Variants in NPAP1 observed in about 807,000 individuals in gnomAD.
The protein encoded by NPAP1 is nuclear pore associated protein 1.
For synonymous variants in NPAP1, 616 were observed against 581.4 expected, an observed-to-expected ratio of 1.06 and a Z score of -0.86; for missense variants, 1,483 against 1,454.5, an observed-to-expected ratio of 1.02 and a Z score of -0.32.
Position 24,676,272 on chromosome 15 carries a change from C to G in NPAP1, c.405C>G (p.Val135=). 1.3e-6 allele frequency: 2 copies of G among 1,519,432 alleles called. No individual in the cohort carries two copies. Among genetic ancestry groups the G allele is most frequent in the Non-Finnish European group, 1.8e-6 (2 of 1,135,736 alleles). 94.1% of individuals were successfully genotyped at this position (1,519,432 alleles called of 1,614,324 possible). ...TGCCTTCACCACGTGAGCCGGCGGTCAAGGCCAGGAAGCCCATCCCAGCCA... is the reference window on the plus strand; with the variant it reads ...TGCCTTCACCACGTGAGCCGGCGGTGAAGGCCAGGAAGCCCATCCCAGCCA... ...LLLPSPREPA[V]KARKPIPATL... The change falls in exon 1 of 1, where the codon GTC becomes GTG. Residue 135 remains valine (V), a synonymous_variant. Coordinates refer to ENST00000329468, the MANE Select transcript of NPAP1 (RefSeq NM_018958.3).
Position 24,677,554 on chromosome 15 carries a change from G to T in NPAP1, c.1687G>T (p.Ala563Ser), listed in dbSNP as rs764952868. 2 of 1,614,030 alleles carry T rather than the reference G, an allele frequency of 1.2e-6. No homozygotes were observed. Among genetic ancestry groups the T allele is most frequent in the Non-Finnish European group, 1.7e-6 (2 of 1,180,010 alleles). ...TTCCACTGTCACAACAAACGCATCT[G>T]CCCACCTAACCTCACAGACTGCGGT... ...VISTVTTNASAHLTSQTAVDP... is the reference protein window; with the variant it reads ...VISTVTTNASSHLTSQTAVDP... The change falls in exon 1 of 1, where the codon GCC (alanine) becomes TCC (serine). Residue 563 changes from alanine (A) to serine (S), a missense_variant. Ala to Ser is a moderately conservative substitution (Grantham distance 99). Coordinates refer to ENST00000329468, the MANE Select transcript of NPAP1 (RefSeq NM_018958.3).
In NPAP1 at chr15:24,676,363, C is replaced by A. The variant is rs569950473; in HGVS notation, c.496C>A (p.Pro166Thr). 284 of 1,553,630 alleles carry A rather than the reference C, an allele frequency of 1.8e-4. 1 individual carries two copies. The South Asian group carries it at 3.2e-3, about 17-fold the overall frequency. Residue 166 changes from proline (P) to threonine (T), a missense_variant, in exon 1 of 1, where the codon CCG (proline) becomes ACG (threonine). Transcript: ENST00000329468. ...GPRRVKKDED[P>T]VQIEGEDDEK... The stretch of plus-strand genomic sequence containing the variant: ...CAGAAGAGTGAAGAAGGATGAGGAT[C>A]CGGTGCAGATCGAAGGGGAGGATGA...
rs746602411 is a variant in NPAP1 at position 24,677,928 on chromosome 15, A to C, written c.2061A>C (p.Thr687=). ...DTSTLVNSAS[T]ASSSKPPIET... ...CCACTTTAGTGAACAGTGCCTCTAC[A>C]GCATCATCATCCAAACCTCCCATTG... The change falls in exon 1 of 1, where the codon ACA becomes ACC. Residue 687 remains threonine (T), a synonymous_variant. Coordinates refer to ENST00000329468, the MANE Select transcript of NPAP1 (RefSeq NM_018958.3). The C allele has an allele frequency of 6.2e-7, 1 of 1,613,456 alleles. No individual in the cohort carries two copies. Among genetic ancestry groups the C allele is most frequent in the Non-Finnish European group, 8.5e-7 (1 of 1,179,916 alleles).
rs2049024622 is a variant in NPAP1, at chr15:24,682,622, A to T, written c.*3284A>T. 6.0e-6 allele frequency: 1 copy of T among 167,014 alleles called. No individual in the cohort carries two copies. The highest frequency in any genetic ancestry group is 2.4e-5 in the African/African-American group (1 of 41,436). The allele number at this position is 167,014 out of a possible 1,614,324, so 10.3% of individuals were successfully genotyped here. A position where few individuals can be genotyped will look rare whatever the true frequency, so the allele number is the denominator to read the frequency against. ...CCAGAGATAGTGTTTAGCTACTTTG[A>T]TGTCACTCCCATAGTTCTGAGTTTG... On this transcript the variant is annotated 3_prime_UTR_variant, in exon 1 of 1. Coordinates refer to ENST00000329468, the MANE Select transcript of NPAP1 (RefSeq NM_018958.3).
In NPAP1 at chr15:24,677,815, G is replaced by A. The variant is rs781369630; in HGVS notation, c.1948G>A (p.Glu650Lys). Residue 650 changes from glutamate (E) to lysine (K), a missense_variant, in exon 1 of 1, where the codon GAG (glutamate) becomes AAG (lysine). By Grantham distance (56) the Glu-to-Lys change is moderately conservative. Coordinates refer to ENST00000329468, the MANE Select transcript of NPAP1 (RefSeq NM_018958.3). ...GKEATPQPKF[E>K]APDGQPQKAS... is the part of the protein sequence containing the mutation. The stretch of plus-strand genomic sequence containing the variant: ...AGAAGCCACCCCTCAGCCCAAATTT[G>A]AGGCTCCTGATGGGCAGCCGCAGAA... 9.9e-6 allele frequency: 16 copies of A among 1,613,994 alleles called. No homozygotes were observed. The highest frequency in any genetic ancestry group is 5.9e-6 in the Non-Finnish European group (7 of 1,180,012).
rs1221422633 is a variant in NPAP1 at position 24,678,018 on chromosome 15, C to T, written c.2151C>T (p.Ser717=). 6.2e-7 allele frequency: 1 copy of T among 1,613,994 alleles called. No homozygotes were observed. Among genetic ancestry groups the T allele is most frequent in the Admixed American group, 1.7e-5 (1 of 60,000 alleles). Reference sequence around the variant, plus strand: ...TCATCTTGCAGTCTGCCTCTGTCTCCAAGAAGTACCTCCCATTTTACCTGG... The same window carrying T: ...TCATCTTGCAGTCTGCCTCTGTCTCTAAGAAGTACCTCCCATTTTACCTGG... ...KAVILQSASV[S]KKYLPFYLGL... Residue 717 remains serine, a synonymous_variant, in exon 1 of 1, where the codon TCC becomes TCT. Coordinates refer to ENST00000329468, the MANE Select transcript of NPAP1 (RefSeq NM_018958.3).
chr15:24,679,018 G>T lies in NPAP1; in HGVS notation c.3151G>T (p.Val1051Phe), dbSNP rs769147230. Residue 1051 changes from valine (V) to phenylalanine (F), a missense_variant, in exon 1 of 1, where the codon GTT becomes TTT. Val to Phe is a conservative substitution (Grantham distance 50, BLOSUM62 -1). Coordinates refer to ENST00000329468, the MANE Select transcript of NPAP1 (RefSeq NM_018958.3). ...GAGTGGGACACCCAGCACCACTTCT[G>T]TTTTCCCATTTGGTCAGGCAGCCTG... is the stretch of plus-strand genomic sequence containing the variant. ...GQSGTPSTTSVFPFGQAAWDP... is the reference protein window; with the variant it reads ...GQSGTPSTTSFFPFGQAAWDP... The T allele has an allele frequency of 4.3e-6, 7 of 1,614,160 alleles. No individual in the cohort carries two copies. Among genetic ancestry groups the T allele is most frequent in the Non-Finnish European group, 5.9e-6 (7 of 1,180,040 alleles).
At position 24,675,837 on chromosome 15, in the gene NPAP1, G is replaced by A; in HGVS notation, c.-31G>A. The A allele has an allele frequency of 6.9e-7, 1 of 1,443,812 alleles. No homozygotes were observed. The highest frequency in any genetic ancestry group is 9.2e-7 in the Non-Finnish European group (1 of 1,088,204). 89.4% of individuals were successfully genotyped at this position (1,443,812 alleles called of 1,614,324 possible). On this transcript the variant is annotated 5_prime_UTR_variant, in exon 1 of 1. Coordinates refer to ENST00000329468, the MANE Select transcript of NPAP1 (RefSeq NM_018958.3). ...GAGAGTTGAGTCCACTGCTGACCCTGTTTTACGGTAGGAGGCACGGCTAGC... is the reference window on the plus strand; with the variant it reads ...GAGAGTTGAGTCCACTGCTGACCCTATTTTACGGTAGGAGGCACGGCTAGC...
rs781003390 is a variant in NPAP1 at position 24,678,763 on chromosome 15, G to A, written c.2896G>A (p.Gly966Ser). 2 of 1,614,172 alleles carry A rather than the reference G, an allele frequency of 1.2e-6. No homozygotes were observed. The highest frequency in any genetic ancestry group is 2.2e-5 in the East Asian group (1 of 44,884). Reference protein sequence around the residue: ...GTPVNAEPVEGHNASAFPNGT... With the variant: ...GTPVNAEPVESHNASAFPNGT... The stretch of plus-strand genomic sequence containing the variant: ...ACCTGTTAATGCTGAGCCAGTCGAG[G>A]GTCACAATGCAAGTGCTTTCCCCAA... The change falls in exon 1 of 1, where the codon GGT (glycine) becomes AGT (serine). Residue 966 changes from glycine to serine, a missense_variant. Gly to Ser is a moderately conservative substitution (Grantham distance 56, BLOSUM62 0). Coordinates refer to ENST00000329468, the MANE Select transcript of NPAP1 (RefSeq NM_018958.3).
In NPAP1 at chr15:24,675,974, G is replaced by A. The variant is rs2141307002; in HGVS notation, c.107G>A (p.Gly36Asp). Residue 36 changes from glycine (G) to aspartate (D), a missense_variant, in exon 1 of 1, where the codon GGT (glycine) becomes GAT (aspartate). Transcript: ENST00000329468. Reference sequence around the variant, plus strand: ...CTGTCCCGGGACGCCTCCCCGCCCGGTCGGGCTCACTCTGTACCCACCCCG... The same window carrying A: ...CTGTCCCGGGACGCCTCCCCGCCCGATCGGGCTCACTCTGTACCCACCCCG... ...APLSRDASPPGRAHSVPTPRP... is the reference protein window; with the variant it reads ...APLSRDASPPDRAHSVPTPRP... 1.3e-6 allele frequency: 2 copies of A among 1,595,554 alleles called. No individual in the cohort carries two copies. The highest frequency in any genetic ancestry group is 1.7e-6 in the Non-Finnish European group (2 of 1,172,876).
In NPAP1 at chr15:24,679,148, C is replaced by T. The variant is rs2141314212; in HGVS notation, c.3281C>T (p.Pro1094Leu). Reference protein sequence around the residue: ...AAAYIPGLDPPTQNSCSGMGG... With the variant: ...AAAYIPGLDPLTQNSCSGMGG... ...GCCTACATTCCTGGTTTAGACCCACCTACCCAGAATTCATGCAGTGGTATG... is the reference window on the plus strand; with the variant it reads ...GCCTACATTCCTGGTTTAGACCCACTTACCCAGAATTCATGCAGTGGTATG... The change falls in exon 1 of 1, where the codon CCT becomes CTT. Residue 1094 changes from proline (P) to leucine (L), a missense_variant. Physicochemically the swap from Pro to Leu is moderately conservative, Grantham distance 98. Transcript: ENST00000329468. The T allele has an allele frequency of 6.2e-7, 1 of 1,614,178 alleles. No individual in the cohort carries two copies. The highest frequency in any genetic ancestry group is 1.1e-5 in the South Asian group (1 of 91,078).
At position 24,680,668 on chromosome 15, in the gene NPAP1, C is replaced by A. The variant is rs2049011536; in HGVS notation, c.*1330C>A. The A allele has an allele frequency of 6.0e-6, 1 of 165,570 alleles. No homozygotes were observed. Among genetic ancestry groups the A allele is most frequent in the African/African-American group, 2.5e-5 (1 of 39,954 alleles). The allele number at this position is 165,570 out of a possible 1,614,324, so 10.3% of individuals were successfully genotyped here. The stretch of plus-strand genomic sequence containing the variant: ...GAGCAGATGAGCCCAGTCAGAACCG[C>A]ACTGTATTTTAGTGGTCTTCTGCAC... On this transcript the variant is annotated 3_prime_UTR_variant, in exon 1 of 1. Transcript: ENST00000329468.
In NPAP1 at chr15:24,676,229, G is replaced by C. The variant is rs746840625; in HGVS notation, c.362G>C (p.Arg121Pro). Residue 121 changes from arginine to proline, a missense_variant, in exon 1 of 1, where the codon CGC becomes CCC. Transcript: ENST00000329468. Reference sequence around the variant, plus strand: ...TCCGTAAGGATCCCTCCTCCCAGCCGCATGTTCACTCTCCTGCTGCCTTCA... The same window carrying C: ...TCCGTAAGGATCCCTCCTCCCAGCCCCATGTTCACTCTCCTGCTGCCTTCA... ...PSSVRIPPPS[R>P]MFTLLLPSPR... 2.6e-6 allele frequency: 4 copies of C among 1,521,502 alleles called. No individual in the cohort carries two copies. The South Asian group carries it at 5.3e-5, about 20-fold the overall frequency. The allele number at this position is 1,521,502 out of a possible 1,614,324, so 94.3% of individuals were successfully genotyped here.
rs2141313858 is a variant in NPAP1, at chr15:24,678,982, G to A, written c.3115G>A (p.Gly1039Arg). ...PSSTSGELNI[G>R]QGQSGTPSTT... Reference sequence around the variant, plus strand: ...TTCCACATCAGGAGAACTCAACATTGGACAAGGACAGAGTGGGACACCCAG... The same window carrying A: ...TTCCACATCAGGAGAACTCAACATTAGACAAGGACAGAGTGGGACACCCAG... Residue 1039 changes from glycine to arginine, a missense_variant, in exon 1 of 1, where the codon GGA (glycine) becomes AGA (arginine). By Grantham distance (125) the Gly-to-Arg change is moderately radical (BLOSUM62 -2). Coordinates refer to ENST00000329468, the MANE Select transcript of NPAP1 (RefSeq NM_018958.3). The A allele has an allele frequency of 1.2e-6, 2 of 1,614,128 alleles. No homozygotes were observed. Among genetic ancestry groups the A allele is most frequent in the Non-Finnish European group, 1.7e-6 (2 of 1,180,036 alleles).
rs2141313492 is a variant in NPAP1 at position 24,678,801 on chromosome 15, G to T, written c.2934G>T (p.Lys978Asn). ...NASAFPNGTA[K>N]TSGFRIATGM... ...GTGCTTTCCCCAATGGCACAGCAAA[G>T]ACTTCTGGATTTAGAATTGCCACTG... Residue 978 changes from lysine to asparagine, a missense_variant, in exon 1 of 1, where the codon AAG becomes AAT. Physicochemically the swap from Lys to Asn is moderately conservative, Grantham distance 94. Coordinates refer to ENST00000329468, the MANE Select transcript of NPAP1 (RefSeq NM_018958.3). 6.2e-7 allele frequency: 1 copy of T among 1,614,244 alleles called. No homozygotes were observed. Among genetic ancestry groups the T allele is most frequent in the African/African-American group, 1.3e-5 (1 of 75,068 alleles).
rs780971270 is a variant in NPAP1 at position 24,677,198 on chromosome 15, T to C, written c.1331T>C (p.Leu444Pro). ...TGPLILPIPP[L>P]STTPKMDEKI... ...CCCCTCATCCTGCCTATCCCTCCACTTTCCACCACACCAAAAATGGATGAG... is the reference window on the plus strand; with the variant it reads ...CCCCTCATCCTGCCTATCCCTCCACCTTCCACCACACCAAAAATGGATGAG... Residue 444 changes from leucine to proline, a missense_variant, in exon 1 of 1, where the codon CTT (leucine) becomes CCT (proline). Leu to Pro is a moderately conservative substitution (Grantham distance 98, BLOSUM62 -3). Transcript: ENST00000329468. 3 of 1,614,036 alleles carry C rather than the reference T, an allele frequency of 1.9e-6. No homozygotes were observed. The highest frequency in any genetic ancestry group is 2.5e-6 in the Non-Finnish European group (3 of 1,180,020).
rs530696488 is a variant in NPAP1, at chr15:24,682,668, T to G, written c.*3330T>G. On this transcript the variant is annotated 3_prime_UTR_variant, in exon 1 of 1. Transcript: ENST00000329468. ...GTTTGCTTTTTTACTTCAACTATTATGTTATCTTACAGATGTCATTGTTTT... is the reference window on the plus strand; with the variant it reads ...GTTTGCTTTTTTACTTCAACTATTAGGTTATCTTACAGATGTCATTGTTTT... 6.0e-6 allele frequency: 1 copy of G among 167,176 alleles called. No homozygotes were observed. Among genetic ancestry groups the G allele is most frequent in the South Asian group, 2.1e-4 (1 of 4,826 alleles). 10.4% of individuals were successfully genotyped at this position (167,176 alleles called of 1,614,324 possible).
Position 24,676,585 on chromosome 15 carries a change from C to T in NPAP1, c.718C>T (p.Pro240Ser), listed in dbSNP as rs1023791757. Residue 240 changes from proline (P) to serine (S), a missense_variant, in exon 1 of 1, where the codon CCC (proline) becomes TCC (serine). By Grantham distance (74) the Pro-to-Ser change is moderately conservative. Coordinates refer to ENST00000329468, the MANE Select transcript of NPAP1 (RefSeq NM_018958.3). ...CTCCTGCTTGGAAGGCCCTGCCATG[C>T]CCAGCACACACAGCCAGGCCGGATG... The part of the protein sequence containing the change: ...ASSCLEGPAM[P>S]STHSQAGCAR... The T allele has an allele frequency of 2.5e-6, 4 of 1,614,072 alleles. No homozygotes were observed. The highest frequency in any genetic ancestry group is 3.4e-6 in the Non-Finnish European group (4 of 1,180,038).
rs995508060 is a variant in NPAP1, at chr15:24,680,870, C to T, written c.*1532C>T. On this transcript the variant is annotated 3_prime_UTR_variant, in exon 1 of 1. Coordinates refer to ENST00000329468, the MANE Select transcript of NPAP1 (RefSeq NM_018958.3). ...AATTATCTGGTAAATTAGCCAGTAA[C>T]GAATGCTATGAAAAATAAAGAAGTA... The T allele has an allele frequency of 1.2e-5, 2 of 166,796 alleles. No individual in the cohort carries two copies. Among genetic ancestry groups the T allele is most frequent in the South Asian group, 2.1e-4 (1 of 4,814 alleles). The allele number at this position is 166,796 out of a possible 1,614,324, so 10.3% of individuals were successfully genotyped here.
Sources: allele counts gnomAD v4.1 joint callset, GRCh38; gene constraint gnomAD v4.1.1; transcripts MANE v1.5; gene names NCBI Gene and HGNC (gene_info 2026-07-23, HGNC 2026-07-21).